The following VAT1L variants were observed in gnomAD, a reference collection of about 807,000 sequenced individuals.
VAT1L encodes putative NADPH-dependent quinone oxidoreductase VAT1L.
VAT1L carries 34 observed loss-of-function variants against 44.1 expected under a neutral mutation model. That is an observed-to-expected ratio of 0.77 (90% CI 0.59 to 1.03). The LOEUF (loss-of-function observed/expected upper bound fraction) is 1.03, where lower values mean the gene tolerates loss of function less well. Ranked by LOEUF, VAT1L falls within the 50% of genes least tolerant of loss-of-function variation. VAT1L has a pLI of 0.00. For synonymous variants in VAT1L, 253 were observed against 202.2 expected, an observed-to-expected ratio of 1.25 and a Z score of -2.13; for missense variants, 615 against 538.8, an observed-to-expected ratio of 1.14 and a Z score of -1.40.
At chr16:77,973,984 T>C (rs1451755566) in intron 8 of VAT1L, among the ~76,000 whole-genome samples, 4 of 152,208 alleles carry the variant, frequency 2.6e-5, no homozygotes, top group Non-Finnish European at 5.9e-5. Flanking sequence ...CCCAAAATGC[T>C]GGGATTACAG....
intron 7 of VAT1L, among the ~76,000 whole-genome samples, chr16:77,956,639 A>G (rs1289895008): frequency 6.6e-6 from 1 of 152,124 alleles, no homozygotes; most frequent in Non-Finnish European, 1.5e-5. Context: ...CTCTCATATT[A>G]TTACATTCTT....
intron 1 of VAT1L, among the ~76,000 whole-genome samples, chr16:77,798,542 G>A (rs984075074): frequency 1.3e-5 from 2 of 152,168 alleles, no homozygotes; most frequent in Admixed American, 6.5e-5. Flanking sequence ...TAAATGAAGT[G>A]TGTGTGCCAT....
At chr16:77,892,507 T>C (rs1302894495) in intron 7 of VAT1L, 1 of 555,838 alleles carries the variant, frequency 1.8e-6, no homozygotes, top group Non-Finnish European at 3.6e-6. Context: ...CAGACAAGTT[T>C]CCAAAGACAG....
At chr16:77,817,746 T>G (rs974808573) in intron 2 of VAT1L, among the ~76,000 whole-genome samples, 2 of 152,200 alleles carry the variant, frequency 1.3e-5, no homozygotes, top group African/African-American at 4.8e-5. Flanking sequence ...CCTACTATTA[T>G]AACGCAAATC....
intron 1 of VAT1L, among the ~76,000 whole-genome samples, chr16:77,816,166 A>T (rs556948660): frequency 6.6e-6 from 1 of 152,014 alleles, no homozygotes; most frequent in Non-Finnish European, 1.5e-5. Context: ...TTCCATTATG[A>T]TGACTTTGAT....
chr16:77,949,723 C>A (rs1213600315), intron 7 of VAT1L, among the ~76,000 whole-genome samples: 1 of 152,228 alleles, frequency 6.6e-6, no homozygotes, highest in African/African-American at 2.4e-5. Context: ...GGGGCTTCCA[C>A]CAGATGCTCA....
At chr16:77,975,109 C>T (rs1234284247) in intron 8 of VAT1L, among the ~76,000 whole-genome samples, 1 of 149,284 alleles carries the variant, frequency 6.7e-6, no homozygotes, top group Non-Finnish European at 1.5e-5. Flanking sequence ...CCAGGCTCCA[C>T]AGGATGTGTC....
intron 7 of VAT1L, among the ~76,000 whole-genome samples, chr16:77,913,941 GCAA>G (rs2017524620): frequency 6.6e-6 from 1 of 152,130 alleles, no homozygotes; most frequent in South Asian, 2.1e-4. Context: ...CTCTTATTCA[GCAA>G]CAACATTGAC....
At chr16:77,966,360 C>A (rs2142539804) in intron 7 of VAT1L, among the ~76,000 whole-genome samples, 1 of 152,150 alleles carries the variant, frequency 6.6e-6, no homozygotes, top group Admixed American at 6.6e-5. Flanking sequence ...GGGTGGAGGG[C>A]AAATACTTAG....
intron 7 of VAT1L, among the ~76,000 whole-genome samples, chr16:77,951,377 C>G (rs1415176232): frequency 6.6e-6 from 1 of 152,120 alleles, no homozygotes; most frequent in African/African-American, 2.4e-5. Context: ...GAAACCTCGT[C>G]TTTGCTAAAA....
rs1555521580 is a variant in VAT1L at position 77,946,276 on chromosome 16, G to GTTCTTTT, written c.1078-25571_1078-25565dup. Among the ~76,000 whole-genome samples, 4 of 33,862 alleles carry GTTCTTTT rather than the reference G, an allele frequency of 1.2e-4. 1 individual carries two copies. Among genetic ancestry groups the GTTCTTTT allele is most frequent in the African/African-American group, 3.2e-4 (3 of 9,294 alleles). The allele number at this position is 33,862 out of a possible 152,430, so 22.2% of individuals were successfully genotyped here. The stretch of plus-strand genomic sequence containing the variant: ...CCTGTTCTGGACATCTAGGTTACTT[G>GTTCTTTT]TTCTTTTTTTTTTTTTTTTTTTTTT... On this transcript the variant is annotated intron_variant, in intron 7 of 8. Coordinates refer to ENST00000302536, the MANE Select transcript of VAT1L (RefSeq NM_020927.3).
rs187305532 is a variant in VAT1L, at chr16:77,905,112, T to G, written c.1077+20310T>G. Among the ~76,000 whole-genome samples, 32 of 152,338 alleles carry G rather than the reference T, an allele frequency of 2.1e-4. No individual in the cohort carries two copies. The East Asian group carries it at 6.2e-3, about 29-fold the overall frequency. On this transcript the variant is annotated intron_variant, in intron 7 of 8. Transcript: ENST00000302536. ...TGACTAATGTGGTTATGAAAGACCC[T>G]TATAAAACATCCCCTCTCTATCAAT... is the stretch of plus-strand genomic sequence containing the variant.
intron 1 of VAT1L, among the ~76,000 whole-genome samples, chr16:77,795,470 A>G (rs995926442): frequency 2.6e-5 from 4 of 152,230 alleles, no homozygotes; most frequent in African/African-American, 9.6e-5. Context: ...GCTAAAAACC[A>G]ACACTGTTGT....
chr16:77,902,731 G>A (rs1228376351), intron 7 of VAT1L, among the ~76,000 whole-genome samples: 1 of 86,448 alleles, frequency 1.2e-5, no homozygotes, highest in Non-Finnish European at 2.2e-5. Context: ...CGATGGGGGG[G>A]TGGGGGGGGT....
At chr16:77,853,023 A>G (rs897631544) in intron 3 of VAT1L, among the ~76,000 whole-genome samples, 5 of 152,304 alleles carry the variant, frequency 3.3e-5, no homozygotes, top group African/African-American at 1.2e-4. Flanking sequence ...GAATCAACCT[A>G]TATGCTTCAC....
chr16:77,873,394 C>G (rs940184563), intron 4 of VAT1L, among the ~76,000 whole-genome samples: 1 of 152,170 alleles, frequency 6.6e-6, no homozygotes, highest in African/African-American at 2.4e-5. Flanking sequence ...ATATGAGTTT[C>G]CTTTCCGAGG....
rs2017119792 is a variant in VAT1L at position 77,879,009 on chromosome 16, T to C, written c.827-160T>C. 6.6e-6 allele frequency among the ~76,000 whole-genome samples: 1 copy of C among 152,256 alleles called. No homozygotes were observed. Among genetic ancestry groups the C allele is most frequent in the Non-Finnish European group, 1.5e-5 (1 of 68,046 alleles). The stretch of plus-strand genomic sequence containing the variant: ...GACAGTCAGCTAACATAGTCAACTT[T>C]ATGCCTCATTCTCATTCCCCTCACT... On this transcript the variant is annotated intron_variant, in intron 5 of 8. Coordinates refer to ENST00000302536, the MANE Select transcript of VAT1L (RefSeq NM_020927.3). This position sits in a 1 kb window ranked among gnomAD's most constrained non-coding sequence, Gnocchi z 4.1.
At chr16:77,916,309 G>C (rs565295109) in intron 7 of VAT1L, among the ~76,000 whole-genome samples, 1 of 152,076 alleles carries the variant, frequency 6.6e-6, no homozygotes, top group Non-Finnish European at 1.5e-5. Context: ...CTGCAACAGC[G>C]TCCTTACAAC....
At chr16:77,923,278 G>C (rs553956102) in intron 7 of VAT1L, among the ~76,000 whole-genome samples, 1 of 152,256 alleles carries the variant, frequency 6.6e-6, no homozygotes, top group South Asian at 2.1e-4. Context: ...GTGAAACCCC[G>C]TATCTACCAA....
Sources: gnomAD v4.1 joint callset for allele counts (sites outside exome capture counted in the v4.1 genomes callset) on GRCh38, gnomAD v4.1.1 for gene constraint, Gnocchi (gnomAD v3.1) non-coding constraint, MANE v1.5 for transcripts, NCBI Gene and HGNC (gene_info 2026-07-23, HGNC 2026-07-21) for gene names.